COL6A5: variants seen among roughly 807,000 people sequenced by gnomAD.
COL6A5 encodes collagen type VI alpha 5 chain.
COL6A5 carries 48 observed loss-of-function variants against 65.6 expected under a neutral mutation model. The ratio of observed to expected loss-of-function variants is 0.73; its 90% CI spans 0.58 to 0.93. The LOEUF (loss-of-function observed/expected upper bound fraction) is 0.93, where lower values mean the gene tolerates loss of function less well. COL6A5 is among the 40% of genes least tolerant of loss of function. COL6A5 has a pLI of 0.00. For synonymous variants in COL6A5, 291 were observed against 322.8 expected (o/e 0.90, Z 1.05); for missense variants, 914 against 928.3 (o/e 0.98, Z 0.20).
chr3:130,358,269 T>C (rs975579557), intron 1 of COL6A5, among the ~76,000 whole-genome samples: 3 of 152,106 alleles, frequency 2.0e-5, no homozygotes, highest in Non-Finnish European at 4.4e-5. Flanking sequence ...TTTGTTGAAG[T>C]TCTGGTCAAT....
intron 1 of COL6A5, among the ~76,000 whole-genome samples, chr3:130,350,925 A>G (rs1320782479): frequency 6.6e-6 from 1 of 152,216 alleles, no homozygotes. Flanking sequence ...CTACAAGGCT[A>G]CAGTAACAAA....
chr3:130,346,662 A>G (rs190124154), intron 1 of COL6A5, among the ~76,000 whole-genome samples: 7 of 152,166 alleles, frequency 4.6e-5, no homozygotes, highest in African/African-American at 1.7e-4. Flanking sequence ...GGAATTTTGT[A>G]CTCTCAGGAT....
At chr3:130,385,418 A>G (rs1414302815) in intron 5 of COL6A5, 54 bp downstream of exon 5, 6 of 1,487,200 alleles carry the variant, frequency 4.0e-6, no homozygotes, top group Non-Finnish European at 4.5e-6. Flanking sequence ...TGCTTTAGGC[A>G]GATTAATGGC....
Position 130,409,315 on chromosome 3 carries a change from A to C in COL6A5, c.4480-11A>C. 1 of 1,534,482 alleles carries C rather than the reference A, an allele frequency of 6.5e-7. No individual in the cohort carries two copies. On this transcript the variant is annotated splice_polypyrimidine_tract_variant and intron_variant and NMD_transcript_variant, in intron 17 of 41. Coordinates refer to the COL6A5 transcript ENST00000312481. ...ACAAGCTAACTCAGAAATTCATTTCATTTTTTTCAGGGCAGCCCAGGTTCC... is the reference window on the plus strand; with the variant it reads ...ACAAGCTAACTCAGAAATTCATTTCCTTTTTTTCAGGGCAGCCCAGGTTCC...
At chr3:130,454,248 A>AAT (rs36047411) in intron 4 of COL6A5, among the ~76,000 whole-genome samples, 2 of 152,012 alleles carry the variant, frequency 1.3e-5, no homozygotes, top group Non-Finnish European at 2.9e-5. Context: ...AACCAAAAAA[A>AAT]GGTAGACATT....
rs764011845 is a variant in COL6A5 at position 130,469,275 on chromosome 3, A to T, written c.2027A>T (p.Asp676Val). The T allele has an allele frequency of 1.9e-6, 3 of 1,612,822 alleles. No individual in the cohort carries two copies. In the African/African-American group the frequency reaches 4.0e-5, roughly 22 times the overall value. Residue 676 changes from aspartate to valine, a missense_variant, in exon 6 of 8, where the codon GAC becomes GTC. By Grantham distance (152) the Asp-to-Val change is radical. Transcript: ENST00000512836. The stretch of plus-strand genomic sequence containing the variant: ...GGCGAAACCAACTCTTTAGACAAAG[A>T]CGTCTTAAGGAATGTGTCTCTGAGA...
At chr3:130,434,846 G>A (rs1470390963) in intron 1 of COL6A5, among the ~76,000 whole-genome samples, 3 of 151,990 alleles carry the variant, frequency 2.0e-5, no homozygotes, top group African/African-American at 7.2e-5. Context: ...TTAGACCTTT[G>A]TCAGATGGGT....
chr3:130,418,868 G>GGGAGA lies in COL6A5; in HGVS notation c.4889_4893dup (p.Pro1632GlufsTer9), dbSNP rs1212265076. On this transcript the variant is annotated frameshift_variant and splice_region_variant and NMD_transcript_variant. Transcript: ENST00000312481. ...GAAGCTCTTCTTGTCCCACTTACTA[G>GGGAGA]GGAGAGCCTGGACTTCCTGGAGATC... 3 of 1,550,422 alleles carry GGGAGA rather than the reference G, an allele frequency of 1.9e-6. No individual in the cohort carries two copies. The Admixed American group carries it at 5.9e-5, about 30-fold the overall frequency.
intron 1 of COL6A5, among the ~76,000 whole-genome samples, chr3:130,356,858 A>G (rs1035423151): frequency 6.6e-6 from 1 of 152,208 alleles, no homozygotes; most frequent in Admixed American, 6.5e-5. Context: ...GTACTCAGGA[A>G]AATGCGTTGC....
upstream of COL6A5, among the ~76,000 whole-genome samples, chr3:130,430,253 C>A (rs575980709): frequency 7.2e-5 from 11 of 152,298 alleles, no homozygotes; most frequent in East Asian, 2.1e-3. Flanking sequence ...AATACAACTT[C>A]ATGGATTTGG....
intron 7 of COL6A5, among the ~76,000 whole-genome samples, chr3:130,474,275 CACAG>C (rs1710033729): frequency 1.3e-5 from 2 of 152,090 alleles, no homozygotes; most frequent in South Asian, 4.2e-4. Context: ...GACTGCTACT[CACAG>C]ACAATCAGAC....
chr3:130,353,809 G>T (rs762572138), intron 1 of COL6A5, among the ~76,000 whole-genome samples: 55 of 151,802 alleles, frequency 3.6e-4, no homozygotes, highest in Non-Finnish European at 6.3e-4. Context: ...AAGATGCACC[G>T]CCAATTTAAA....
chr3:130,456,299 G>A (rs552785120), intron 5 of COL6A5, among the ~76,000 whole-genome samples: 7 of 152,068 alleles, frequency 4.6e-5, no homozygotes, highest in Non-Finnish European at 1.0e-4. Flanking sequence ...ATACAAAGGA[G>A]TATGTCTATA....
At position 130,401,870 on chromosome 3, in the gene COL6A5, G is replaced by A. The variant is rs781284104; in HGVS notation, c.4227+16G>A. ...AGCCATGAAGGTGCCACTCACCTGT[G>A]ATACTATTTTATCTAATGTGCCTTG... On this transcript the variant is annotated intron_variant and NMD_transcript_variant, in intron 12 of 41. Transcript: ENST00000312481. 2.0e-6 allele frequency: 3 copies of A among 1,534,322 alleles called. No individual in the cohort carries two copies. Among genetic ancestry groups the A allele is most frequent in the South Asian group, 1.2e-5 (1 of 83,650 alleles).
chr3:130,397,950 T>C (rs1282825262), intron 9 of COL6A5, 27 bp downstream of exon 9: 5 of 1,544,920 alleles, frequency 3.2e-6, no homozygotes, highest in African/African-American at 2.7e-5. Flanking sequence ...CTATCTCCCA[T>C]CTCCACATTC....
chr3:130,391,023 T>C (rs74365871), intron 6 of COL6A5, among the ~76,000 whole-genome samples, 156 bp from the exon 7 acceptor site: 1 of 152,186 alleles, frequency 6.6e-6, no homozygotes, highest in African/African-American at 2.4e-5. Context: ...ACTTTTTTTT[T>C]CTGTAAAATG....
intron 7 of COL6A5, among the ~76,000 whole-genome samples, chr3:130,479,826 G>T (rs187498250): frequency 7.5e-4 from 114 of 152,104 alleles, no homozygotes; most frequent in Non-Finnish European, 1.3e-3. Flanking sequence ...TTAGTTTTTT[G>T]AGATAAATAC....
chr3:130,421,889 T>C (rs1044169986), intron 27 of COL6A5, among the ~76,000 whole-genome samples: 2 of 152,100 alleles, frequency 1.3e-5, no homozygotes, highest in African/African-American at 4.8e-5. Flanking sequence ...TAGAAATCCA[T>C]CTTCATGCTG....
At chr3:130,357,780 C>T (rs1934971344) in intron 1 of COL6A5, among the ~76,000 whole-genome samples, 1 of 152,106 alleles carries the variant, frequency 6.6e-6, no homozygotes, top group African/African-American at 2.4e-5. Flanking sequence ...AGCAGCCATT[C>T]TTGATTTTCT....
Sources: allele counts gnomAD v4.1 joint callset (sites outside exome capture counted in the v4.1 genomes callset), GRCh38; gene constraint gnomAD v4.1.1; transcripts MANE v1.5; gene names NCBI Gene and HGNC (gene_info 2026-07-23, HGNC 2026-07-21).